The following PPIP5K2 variants were observed in gnomAD, a reference collection of about 807,000 sequenced individuals.
PPIP5K2 encodes diphosphoinositol pentakisphosphate kinase 2, also known as inositol hexakisphosphate and diphosphoinositol-pentakisphosphate kinase 2.
A neutral mutation model predicts 154.6 loss-of-function variants in PPIP5K2; 105 were observed. The observed-to-expected ratio is 0.68, with a 90% CI of 0.58 to 0.80. The LOEUF (loss-of-function observed/expected upper bound fraction) is 0.80, where lower values mean the gene tolerates loss of function less well. Among genes scored for constraint, PPIP5K2 ranks in the 30% least tolerant of loss-of-function variants. The probability of loss-of-function intolerance (pLI) is 0.00; values close to 1 mark genes in which losing one functional copy is unlikely to be tolerated. For missense variants in PPIP5K2, 992 were observed against 1,504.6 expected, an observed-to-expected ratio of 0.66 and a Z score of 5.64; for synonymous variants, 480 against 490.3, an observed-to-expected ratio of 0.98 and a Z score of 0.28.
intron 16 of PPIP5K2, 130 bp downstream of exon 16, chr5:103,158,703 C>G: frequency 1.4e-6 from 1 of 693,244 alleles, no homozygotes; most frequent in Non-Finnish European, 2.2e-6. Flanking sequence ...GGTCAGATCA[C>G]TAGAGCCCAG....
In PPIP5K2 at chr5:103,205,181, T is replaced by C. The variant is rs182854640; in HGVS notation, c.*3547T>C. On this transcript the variant is annotated 3_prime_UTR_variant, in exon 31 of 31. Coordinates refer to ENST00000358359, the MANE Select transcript of PPIP5K2 (RefSeq NM_001276277.3). ...CTTCATCCATGTCCTTGTCATCCTTTTTTTTGGCTGCATAGTATTCCATGG... is the reference window on the plus strand; with the variant it reads ...CTTCATCCATGTCCTTGTCATCCTTCTTTTTGGCTGCATAGTATTCCATGG... 6.6e-6 allele frequency: 1 copy of C among 152,360 alleles called. No individual in the cohort carries two copies. Among genetic ancestry groups the C allele is most frequent in the Non-Finnish European group, 1.5e-5 (1 of 68,118 alleles). 9.4% of individuals were successfully genotyped at this position (152,360 alleles called of 1,614,324 possible).
In PPIP5K2 at chr5:103,120,498, C is replaced by A. The variant is rs1198397510; in HGVS notation, c.-285+10C>A. ...ACCGCATTCGTGGCAGGTGAGGGCCCAAAACCGGAGGAGAACCGGAGATGC... is the reference window on the plus strand; with the variant it reads ...ACCGCATTCGTGGCAGGTGAGGGCCAAAAACCGGAGGAGAACCGGAGATGC... On this transcript the variant is annotated intron_variant, in intron 1 of 30. Transcript: ENST00000358359. 6.6e-6 allele frequency: 3 copies of A among 456,532 alleles called. No homozygotes were observed. In the East Asian group the frequency reaches 2.1e-4, roughly 32 times the overall value. 28.3% of individuals were successfully genotyped at this position (456,532 alleles called of 1,614,324 possible).
chr5:103,195,518 C>G (rs1801954009), intron 30 of PPIP5K2, among the ~76,000 whole-genome samples: 1 of 152,118 alleles, frequency 6.6e-6, no homozygotes. Context: ...CATTCTCAGT[C>G]TGACTATGTG....
At chr5:103,140,353 A>G (rs1792351264) in intron 5 of PPIP5K2, among the ~76,000 whole-genome samples, 1 of 152,176 alleles carries the variant, frequency 6.6e-6, no homozygotes, top group Non-Finnish European at 1.5e-5. Context: ...CAAGGCATAT[A>G]TTAATTAAAC....
intron 19 of PPIP5K2, among the ~76,000 whole-genome samples, chr5:103,168,697 A>C (rs1326694519): frequency 6.6e-6 from 1 of 151,788 alleles, no homozygotes; most frequent in Non-Finnish European, 1.5e-5. Context: ...CAGAGTCCAT[A>C]GTGCATTAGG....
intron 30 of PPIP5K2, among the ~76,000 whole-genome samples, chr5:103,199,135 A>G (rs1161821065): frequency 1.3e-5 from 2 of 152,136 alleles, no homozygotes; most frequent in African/African-American, 4.8e-5. Flanking sequence ...TATAAACACT[A>G]CAATACAGTG....
intron 14 of PPIP5K2, among the ~76,000 whole-genome samples, chr5:103,157,558 A>T (rs997223992): frequency 6.6e-6 from 1 of 152,098 alleles, no homozygotes; most frequent in Non-Finnish European, 1.5e-5. Flanking sequence ...TGGGTGGATC[A>T]CCTGAGGTCA....
rs147669423 is a variant in PPIP5K2, at chr5:103,189,803, ACAT to A, written c.3353-1036_3353-1034del. On this transcript the variant is annotated intron_variant, in intron 28 of 30. Transcript: ENST00000358359. ...TTCCTTCAATATTTAAATGAATCAA[ACAT>A]CAGTCAATTTAAAAATGAGCACACG... is the stretch of plus-strand genomic sequence containing the variant. Among the ~76,000 whole-genome samples the A allele has an allele frequency of 5.4e-3, 828 of 152,206 alleles. 7 individuals are homozygous for A. The highest frequency in any genetic ancestry group is 0.018 in the African/African-American group (737 of 41,562).
At chr5:103,152,890 G>C in intron 10 of PPIP5K2, 141 bp downstream of exon 10, 1 of 544,096 alleles carries the variant, frequency 1.8e-6, no homozygotes, top group Non-Finnish European at 3.2e-6. Flanking sequence ...TAGAGGAGTA[G>C]ATTATACGTA....
intron 3 of PPIP5K2, among the ~76,000 whole-genome samples, chr5:103,135,522 C>T (rs1237884138): frequency 6.6e-6 from 1 of 152,102 alleles, no homozygotes; most frequent in Non-Finnish European, 1.5e-5. Context: ...ACCTCAAACT[C>T]TTGGGCTCAA....
chr5:103,147,877 A>C (rs1264849126), intron 6 of PPIP5K2, 54 bp from the exon 7 acceptor site: 1 of 1,037,348 alleles, frequency 9.6e-7, no homozygotes, highest in Non-Finnish European at 1.5e-6. Flanking sequence ...TTTTATCATA[A>C]AAATGAGGGA....
chr5:103,181,391 A>T (rs931929843), intron 24 of PPIP5K2, among the ~76,000 whole-genome samples: 6 of 151,906 alleles, frequency 3.9e-5, no homozygotes, highest in Non-Finnish European at 7.4e-5. Context: ...AATATGGTGA[A>T]ACCCCGTCTC....
intron 27 of PPIP5K2, 67 bp from the exon 28 acceptor site, chr5:103,187,247 C>T: frequency 8.1e-7 from 1 of 1,241,780 alleles, no homozygotes; most frequent in African/African-American, 1.5e-5. Flanking sequence ...TGTTTTTCCC[C>T]TCTTTCTTTT....
chr5:103,147,301 A>G (rs1320240254), intron 6 of PPIP5K2, among the ~76,000 whole-genome samples: 1 of 151,972 alleles, frequency 6.6e-6, no homozygotes, highest in African/African-American at 2.4e-5. Context: ...TTTAACATCC[A>G]TTAAAGTAGC....
chr5:103,203,578 C>G lies in PPIP5K2; in HGVS notation c.*1944C>G, dbSNP rs1188985505. On this transcript the variant is annotated 3_prime_UTR_variant, in exon 31 of 31. Coordinates refer to ENST00000358359, the MANE Select transcript of PPIP5K2 (RefSeq NM_001276277.3). The stretch of plus-strand genomic sequence containing the variant: ...CAGTTTGACTGAAGCATCTGTTTCT[C>G]ACTTGATTCTGTCCTGAGAAGATGT... The G allele has an allele frequency of 6.6e-6, 1 of 152,136 alleles. No homozygotes were observed. Among genetic ancestry groups the G allele is most frequent in the African/African-American group, 2.4e-5 (1 of 41,422 alleles). The allele number at this position is 152,136 out of a possible 1,614,324, so 9.4% of individuals were successfully genotyped here.
chr5:103,183,102 G>T, intron 24 of PPIP5K2, 132 bp from the exon 25 acceptor site: 1 of 835,880 alleles, frequency 1.2e-6, no homozygotes, highest in Non-Finnish European at 1.6e-6. Flanking sequence ...AAATTAATAA[G>T]CAAATATGAA....
rs553035233 is a variant in PPIP5K2 at position 103,210,837 on chromosome 5, A to G, written c.*9203A>G. On this transcript the variant is annotated 3_prime_UTR_variant, in exon 31 of 31. Coordinates refer to ENST00000358359, the MANE Select transcript of PPIP5K2 (RefSeq NM_001276277.3). The stretch of plus-strand genomic sequence containing the variant: ...TAATAGCTTTTTGTTATTATCCAGA[A>G]TACATTTAGTTCTGGATTTTGTTTG... The G allele has an allele frequency of 6.6e-6, 1 of 152,264 alleles. No homozygotes were observed. Among genetic ancestry groups the G allele is most frequent in the Admixed American group, 6.5e-5 (1 of 15,280 alleles). 9.4% of individuals were successfully genotyped at this position (152,264 alleles called of 1,614,324 possible).
At chr5:103,154,431 G>GA (rs1795087994) in intron 11 of PPIP5K2, among the ~76,000 whole-genome samples, 1 of 151,924 alleles carries the variant, frequency 6.6e-6, no homozygotes, top group African/African-American at 2.4e-5. Flanking sequence ...TGGTTTCCGT[G>GA]AAAAAACTTT....
intron 2 of PPIP5K2, among the ~76,000 whole-genome samples, chr5:103,130,580 C>A (rs1790450368): frequency 6.6e-6 from 1 of 152,136 alleles, no homozygotes; most frequent in South Asian, 2.1e-4. Flanking sequence ...ATCTGAAATG[C>A]AAACTCTACT....
Sources: allele counts gnomAD v4.1 joint callset (sites outside exome capture counted in the v4.1 genomes callset), GRCh38; gene constraint gnomAD v4.1.1; transcripts MANE v1.5; gene names NCBI Gene and HGNC (gene_info 2026-07-23, HGNC 2026-07-21).